Variants in IGSF3 observed in about 807,000 individuals in gnomAD.
IGSF3 encodes the protein glu-Trp-Ile EWI motif-containing protein 3.
Under a neutral mutation model 114.4 loss-of-function variants are expected in IGSF3, and 23 were observed. The observed-to-expected ratio is 0.20, with a 90% CI of 0.14 to 0.28. The LOEUF (loss-of-function observed/expected upper bound fraction) is 0.28. IGSF3 is among the 10% of genes least tolerant of loss of function. IGSF3 has a pLI of 1.00. For missense variants in IGSF3, 1,172 were observed against 1,591.5 expected (o/e 0.74, Z 4.48); for synonymous variants, 571 against 645.2 (o/e 0.88, Z 1.74).
chr1:116,641,158 C>T (rs555444711), intron 2 of IGSF3, among the ~76,000 whole-genome samples: 1 of 152,148 alleles, frequency 6.6e-6, no homozygotes, highest in Middle Eastern at 3.4e-3. Flanking sequence ...GTTAATTATC[C>T]TGTTCTCTCC....
upstream of IGSF3, chr1:116,667,746 G>A (rs1175003916): frequency 6.6e-6 from 1 of 151,474 alleles, no homozygotes; most frequent in Admixed American, 6.6e-5. Context: ...GGCCCCTCCC[G>A]AGTCCCCGCC....
rs745414010 is a variant in IGSF3 at position 116,614,195 on chromosome 1, T to C, written c.422-20A>G. 6.3e-7 allele frequency: 1 copy of C among 1,596,078 alleles called. No homozygotes were observed. The highest frequency in any genetic ancestry group is 1.1e-5 in the South Asian group (1 of 90,612). On this transcript the variant is annotated intron_variant, in intron 3 of 10. Coordinates refer to ENST00000369486, the MANE Select transcript of IGSF3 (RefSeq NM_001007237.3). The surrounding 1 kb of genome is among the most constrained non-coding windows in gnomAD (Gnocchi z 4.5). ...GGATCACTGCAACACAGAAATGTCC[T>C]GAGAGTGCAGTCACAAAGCCACAGA...
intron 7 of IGSF3, 113 bp downstream of exon 7, chr1:116,599,828 T>C: frequency 1.1e-6 from 1 of 898,466 alleles, no homozygotes; most frequent in Non-Finnish European, 1.7e-6. Flanking sequence ...TGTGTCTAAA[T>C]GAAGAGCTGG....
chr1:116,648,083 G>A lies in IGSF3; in HGVS notation c.43+18201C>T, dbSNP rs1446480095. On this transcript the variant is annotated intron_variant, in intron 2 of 10. Transcript: ENST00000369486. The surrounding 1 kb of genome is among the most constrained non-coding windows in gnomAD (Gnocchi z 4.7). ...TGGGCCACTGCACTCCAGCCTGGGC[G>A]ACACAGCAAGACTCCCTCTCAAAAA... Among the ~76,000 whole-genome samples, 2 of 152,058 alleles carry A rather than the reference G, an allele frequency of 1.3e-5. No individual in the cohort carries two copies. Among genetic ancestry groups the A allele is most frequent in the Non-Finnish European group, 2.9e-5 (2 of 68,030 alleles).
rs1648916737 is a variant in IGSF3 at position 116,657,610 on chromosome 1, A to T, written c.43+8674T>A. 6.6e-6 allele frequency among the ~76,000 whole-genome samples: 1 copy of T among 152,196 alleles called. No homozygotes were observed. The highest frequency in any genetic ancestry group is 2.4e-5 in the African/African-American group (1 of 41,440). The stretch of plus-strand genomic sequence containing the variant: ...AATGGTCTGGGAAACCAAAGATTTC[A>T]AAATACGGAGCTCCTGGGGGAAGGA... On this transcript the variant is annotated intron_variant, in intron 2 of 10. Transcript: ENST00000369486. The surrounding 1 kb of genome is among the most constrained non-coding windows in gnomAD (Gnocchi z 4.2).
intron 2 of IGSF3, among the ~76,000 whole-genome samples, chr1:116,619,953 A>C (rs1254504949): frequency 1.3e-5 from 2 of 152,018 alleles, no homozygotes; most frequent in African/African-American, 4.8e-5. Context: ...TTTTTTTCTT[A>C]ATATTTTACT....
chr1:116,605,462 C>G lies in IGSF3; in HGVS notation c.1223-1437G>C, dbSNP rs1013692185. On this transcript the variant is annotated intron_variant, in intron 5 of 10. Coordinates refer to ENST00000369486, the MANE Select transcript of IGSF3 (RefSeq NM_001007237.3). The surrounding 1 kb of genome is among the most constrained non-coding windows in gnomAD (Gnocchi z 5.1). ...AATAGCAATTTTCCTAGGAGGGCAA[C>G]CTCCCCCAGGACTCATACCAGGATG... Among the ~76,000 whole-genome samples, 1 of 152,054 alleles carries G rather than the reference C, an allele frequency of 6.6e-6. No homozygotes were observed. The highest frequency in any genetic ancestry group is 1.5e-5 in the Non-Finnish European group (1 of 68,024).
chr1:116,637,701 T>C (rs1284165933), intron 2 of IGSF3, among the ~76,000 whole-genome samples: 1 of 152,210 alleles, frequency 6.6e-6, no homozygotes, highest in Non-Finnish European at 1.5e-5. Flanking sequence ...ATTCAAAACC[T>C]TGCATTCACC....
rs772911436 is a variant in IGSF3 at position 116,588,899 on chromosome 1, G to T, written c.2235C>A (p.Ala745=). The T allele has an allele frequency of 6.2e-7, 1 of 1,613,994 alleles. No individual in the cohort carries two copies. The highest frequency in any genetic ancestry group is 2.2e-5 in the East Asian group (1 of 44,894). Residue 745 remains alanine (A), a synonymous_variant, in exon 8 of 11, where the codon GCC becomes GCA. Coordinates refer to ENST00000369486, the MANE Select transcript of IGSF3 (RefSeq NM_001007237.3). This position sits in a 1 kb window ranked among gnomAD's most constrained non-coding sequence, Gnocchi z 4.9. The part of the protein sequence containing the change: ...HNSAFEYGTY[A]EEEGLRARLQ... ...GCCTGGCTCTCAGGCCCTCCTCCTC[G>T]GCGTAAGTACCGTATTCAAAGGCGG...
intron 2 of IGSF3, among the ~76,000 whole-genome samples, chr1:116,641,566 G>T (rs1047371820): frequency 6.9e-5 from 9 of 130,352 alleles, no homozygotes; most frequent in African/African-American, 2.4e-4. Flanking sequence ...AAGAAGGAAA[G>T]AAAGAAAATT....
chr1:116,590,857 AT>A (rs1195852538), intron 7 of IGSF3, among the ~76,000 whole-genome samples: 1 of 152,156 alleles, frequency 6.6e-6, no homozygotes, highest in Non-Finnish European at 1.5e-5. Context: ...GGATGGAAGG[AT>A]TTAGCAAGCC....
chr1:116,635,139 T>G (rs1056889925), intron 2 of IGSF3, among the ~76,000 whole-genome samples: 2 of 152,248 alleles, frequency 1.3e-5, no homozygotes, highest in African/African-American at 4.8e-5. Context: ...CAGCACTGGA[T>G]AACTGCAACA....
At chr1:116,620,474 C>A (rs1263250108) in intron 2 of IGSF3, among the ~76,000 whole-genome samples, 8 of 152,290 alleles carry the variant, frequency 5.3e-5, no homozygotes, top group East Asian at 1.9e-4. Context: ...GCAGTCAGCA[C>A]TACTCCCCTC....
chr1:116,583,967 G>C lies in IGSF3; in HGVS notation c.2848+678C>G, dbSNP rs1299242692. On this transcript the variant is annotated intron_variant, in intron 9 of 10. Transcript: ENST00000369486. This position sits in a 1 kb window ranked among gnomAD's most constrained non-coding sequence, Gnocchi z 4.5. ...TTTGAAAAGCCGAGGCGGTGGTGGG[G>C]GTCACGAGGTCAGGAGATCGAGACC... 6.6e-6 allele frequency among the ~76,000 whole-genome samples: 1 copy of C among 152,018 alleles called. No individual in the cohort carries two copies.
chr1:116,637,829 C>T (rs4044766), intron 2 of IGSF3, among the ~76,000 whole-genome samples: 4 of 152,168 alleles, frequency 2.6e-5, no homozygotes, highest in African/African-American at 7.2e-5. Context: ...AGATGACTTT[C>T]GATGATTCAG....
At chr1:116,653,800 A>G (rs1467293253) in intron 2 of IGSF3, among the ~76,000 whole-genome samples, 4 of 152,212 alleles carry the variant, frequency 2.6e-5, no homozygotes, top group Non-Finnish European at 4.4e-5. Context: ...CTAGAAGTGC[A>G]CAGTTCAGAG....
intron 2 of IGSF3, among the ~76,000 whole-genome samples, chr1:116,641,517 A>AAAG (rs1557882258): frequency 4.1e-5 from 6 of 148,048 alleles, no homozygotes; most frequent in African/African-American, 1.0e-4. Context: ...AAAAAAAAAA[A>AAAG]AAGAAGAAGA....
Position 116,666,566 on chromosome 1 carries a change from G to C in IGSF3, c.-240C>G, listed in dbSNP as rs932494854. The C allele has an allele frequency of 1.8e-4, 110 of 599,978 alleles. 2 individuals are homozygous for C. In the Middle Eastern group the frequency reaches 2.1e-3, roughly 12 times the overall value. 37.2% of individuals were successfully genotyped at this position (599,978 alleles called of 1,614,324 possible). A position where few individuals can be genotyped will look rare whatever the true frequency, so the allele number is the denominator to read the frequency against. ...AGGAAGGGTCCACAACAATTCGGAA[G>C]TCGCTCCCGGCTCCTGCCACATCGT... On this transcript the variant is annotated 5_prime_UTR_variant, in exon 2 of 11. Transcript: ENST00000369486.
At chr1:116,623,305 C>T (rs1457503008) in intron 2 of IGSF3, among the ~76,000 whole-genome samples, 1 of 152,210 alleles carries the variant, frequency 6.6e-6, no homozygotes, top group African/African-American at 2.4e-5. Context: ...CTTGCAACAG[C>T]CCTCTGAGGT....
Sources: gnomAD v4.1 joint callset for allele counts (sites outside exome capture counted in the v4.1 genomes callset) on GRCh38, gnomAD v4.1.1 for gene constraint, Gnocchi (gnomAD v3.1) non-coding constraint, MANE v1.5 for transcripts, NCBI Gene and HGNC (gene_info 2026-07-23, HGNC 2026-07-21) for gene names.